Variants in AMZ1 observed in about 807,000 individuals in gnomAD.
AMZ1 encodes the protein archaelysin family metallopeptidase 1, also known as archaemetzincin-1.
Under a neutral mutation model 29.9 loss-of-function variants are expected in AMZ1, and 39 were observed. That is an observed-to-expected ratio of 1.30 (90% CI 1.01 to 1.70). The LOEUF is 1.70. AMZ1 is among the 40% of genes most tolerant of loss of function. The probability of loss-of-function intolerance (pLI) is 0.00; values close to 1 mark genes in which losing one functional copy is unlikely to be tolerated. For missense variants in AMZ1, 1,041 were observed against 680.6 expected (o/e 1.53, Z -5.89); for synonymous variants, 458 against 304.0 (o/e 1.51, Z -5.27).
intron 4 of AMZ1, among the ~76,000 whole-genome samples, chr7:2,736,275 A>G (rs1347710117): frequency 6.6e-6 from 1 of 152,168 alleles, no homozygotes; most frequent in Non-Finnish European, 1.5e-5. Context: ...CTGCGGTCAC[A>G]CGATCTAGAA....
Position 2,717,081 on chromosome 7 carries a change from C to T in AMZ1, c.*4203C>T, listed in dbSNP as rs917141578. 6.6e-6 allele frequency among the ~76,000 whole-genome samples: 1 copy of T among 152,184 alleles called. No individual in the cohort carries two copies. Among genetic ancestry groups the T allele is most frequent in the South Asian group, 2.1e-4 (1 of 4,820 alleles). On this transcript the variant is annotated 3_prime_UTR_variant, in exon 7 of 7. Coordinates refer to ENST00000683327, the MANE Select transcript of AMZ1 (RefSeq NM_001384743.1). ...CAGCCCCCACACACCGGCACCCACGCCCCTCGGTTCTGATAACCAGGAGGC... is the reference window on the plus strand; with the variant it reads ...CAGCCCCCACACACCGGCACCCACGTCCCTCGGTTCTGATAACCAGGAGGC...
downstream of AMZ1, among the ~76,000 whole-genome samples, chr7:2,720,202 G>A (rs932840786): frequency 2.0e-5 from 3 of 152,040 alleles, no homozygotes; most frequent in Middle Eastern, 3.4e-3. Context: ...GACATGGACC[G>A]GTTCATCTAC....
chr7:2,740,164 A>T (rs541287784), intron 4 of AMZ1, among the ~76,000 whole-genome samples: 1 of 151,296 alleles, frequency 6.6e-6, no homozygotes, highest in South Asian at 2.1e-4. Flanking sequence ...CTCCAGTGTG[A>T]TCTTTTCTGG....
At chr7:2,756,467 T>C (rs980882579) in intron 4 of AMZ1, among the ~76,000 whole-genome samples, 1 of 151,920 alleles carries the variant, frequency 6.6e-6, no homozygotes, top group African/African-American at 2.4e-5. Flanking sequence ...TTTTAAAAAT[T>C]AGTCAGGTGT....
intron 1 of AMZ1, among the ~76,000 whole-genome samples, chr7:2,699,519 C>G (rs1392341659): frequency 6.7e-6 from 1 of 148,402 alleles, no homozygotes; most frequent in Non-Finnish European, 1.5e-5. Flanking sequence ...GCTGTTGGGG[C>G]TGCGTACCCC....
intron 2 of AMZ1, among the ~76,000 whole-genome samples, 180 bp downstream of exon 2, chr7:2,700,935 C>T (rs528198788): frequency 6.6e-6 from 1 of 152,286 alleles, no homozygotes; most frequent in South Asian, 2.1e-4. Flanking sequence ...TCCTTCCTCC[C>T]ACCCCATCCT....
chr7:2,697,033 T>C (rs1479861410), intron 1 of AMZ1, among the ~76,000 whole-genome samples: 20 of 152,212 alleles, frequency 1.3e-4, no homozygotes, highest in Admixed American at 1.3e-3. Flanking sequence ...CTTGAGGAGA[T>C]GGAAACACAG....
intron 4 of AMZ1, among the ~76,000 whole-genome samples, chr7:2,744,920 T>C (rs1056953757): frequency 1.3e-5 from 2 of 151,748 alleles, no homozygotes; most frequent in Non-Finnish European, 2.9e-5. Context: ...AGGGTATAAG[T>C]GATGGAAGAC....
Position 2,712,425 on chromosome 7 carries a change from C to G in AMZ1, c.1044C>G (p.Ala348=). Residue 348 remains alanine, a synonymous_variant, in exon 7 of 7, where the codon GCC becomes GCG. Transcript: ENST00000683327. ...GGGAGGACACCCCGCCTGCCAGCGCCGACTCGGGCATGTGCTGTGAGAGTG... is the reference window on the plus strand; with the variant it reads ...GGGAGGACACCCCGCCTGCCAGCGCGGACTCGGGCATGTGCTGTGAGAGTG... ...SVWEDTPPAS[A]DSGMCCESDS... 1 of 1,611,822 alleles carries G rather than the reference C, an allele frequency of 6.2e-7. No homozygotes were observed. The highest frequency in any genetic ancestry group is 1.1e-5 in the South Asian group (1 of 91,006).
At chr7:2,682,431 T>TTGCATTCCTA (rs1480900410) in intron 1 of AMZ1, among the ~76,000 whole-genome samples, 3 of 152,106 alleles carry the variant, frequency 2.0e-5, no homozygotes, top group Admixed American at 2.0e-4. Flanking sequence ...TAGCTTTGCT[T>TTGCATTCCTA]TGCATTCCTA....
intron 4 of AMZ1, among the ~76,000 whole-genome samples, chr7:2,753,196 C>A (rs1474543329): frequency 6.6e-6 from 1 of 152,022 alleles, no homozygotes. Flanking sequence ...ACTGTGTTGC[C>A]CAGGATGGAA....
At chr7:2,708,775 C>A (rs1407086685) in intron 4 of AMZ1, 59 bp downstream of exon 4, 3 of 1,607,208 alleles carry the variant, frequency 1.9e-6, no homozygotes, top group East Asian at 2.2e-5. Context: ...GCTGTGGCCT[C>A]CGTGGCTGCA....
intron 1 of AMZ1, among the ~76,000 whole-genome samples, chr7:2,692,660 C>A (rs914198647): frequency 5.3e-5 from 8 of 152,148 alleles, no homozygotes; most frequent in African/African-American, 1.9e-4. Context: ...CCCCAGGAGT[C>A]CCCGAGGGGA....
At chr7:2,739,385 A>G (rs957221342) in intron 4 of AMZ1, among the ~76,000 whole-genome samples, 1 of 152,198 alleles carries the variant, frequency 6.6e-6, no homozygotes, top group African/African-American at 2.4e-5. Flanking sequence ...CACAGCATGC[A>G]GCCCTTTGTG....
rs188698708 is a variant in AMZ1, at chr7:2,718,343, A to C, written c.*5465A>C. On this transcript the variant is annotated 3_prime_UTR_variant, in exon 7 of 7. Coordinates refer to ENST00000683327, the MANE Select transcript of AMZ1 (RefSeq NM_001384743.1). ...TGGTTTTCTGGATACAGCATGACTGAACCGCCCCTTCTCAGCAAAGGCCAA... is the reference window on the plus strand; with the variant it reads ...TGGTTTTCTGGATACAGCATGACTGCACCGCCCCTTCTCAGCAAAGGCCAA... Among the ~76,000 whole-genome samples the C allele has an allele frequency of 5.3e-5, 8 of 152,256 alleles. No individual in the cohort carries two copies. The East Asian group carries it at 9.7e-4, about 18-fold the overall frequency.
rs1025124029 is a variant in AMZ1 at position 2,716,787 on chromosome 7, G to T, written c.*3909G>T. Among the ~76,000 whole-genome samples the T allele has an allele frequency of 2.0e-5, 3 of 152,184 alleles. No homozygotes were observed. The highest frequency in any genetic ancestry group is 2.0e-4 in the Admixed American group (3 of 15,276). On this transcript the variant is annotated 3_prime_UTR_variant, in exon 7 of 7. Coordinates refer to ENST00000683327, the MANE Select transcript of AMZ1 (RefSeq NM_001384743.1). The stretch of plus-strand genomic sequence containing the variant: ...GCTTAAGGGGTCCTTCCTATGTAAC[G>T]GAATTTTTTTACATCATCATCGAGT...
At chr7:2,689,700 G>A (rs1787273733) in intron 1 of AMZ1, among the ~76,000 whole-genome samples, 1 of 152,246 alleles carries the variant, frequency 6.6e-6, no homozygotes, top group Admixed American at 6.5e-5. Flanking sequence ...GTGGCTTGGA[G>A]GACGCAGGCA....
In AMZ1 at chr7:2,702,754, C is replaced by G; in HGVS notation, c.337C>G (p.Leu113Val). The change falls in exon 3 of 7, where the codon CTG becomes GTG. Residue 113 changes from leucine (L) to valine (V), a missense_variant. Physicochemically the swap from Leu to Val is conservative, Grantham distance 32 (BLOSUM62 1). Transcript: ENST00000683327. ...CGAGGAGCCGGTGGGAAGCTCCCTG[C>G]TGCACCAGCTGTGCAGCTGCACAGA... ...LSEEPVGSSL[L>V]HQLCSCTEAF... The G allele has an allele frequency of 6.5e-7, 1 of 1,540,972 alleles. No individual in the cohort carries two copies.
At chr7:2,721,293 C>T (rs1046756699), downstream of AMZ1, among the ~76,000 whole-genome samples, 9 of 152,192 alleles carry the variant, frequency 5.9e-5, no homozygotes, top group Admixed American at 2.0e-4. Flanking sequence ...TGCCGCGCAC[C>T]GCAGATGTGT....
Sources: allele counts gnomAD v4.1 joint callset (sites outside exome capture counted in the v4.1 genomes callset), GRCh38; gene constraint gnomAD v4.1.1; transcripts MANE v1.5; gene names NCBI Gene and HGNC (gene_info 2026-07-23, HGNC 2026-07-21).